Variants in ELF1 observed in about 807,000 individuals in gnomAD.
The protein encoded by ELF1 is ETS-related transcription factor Elf-1.
A neutral mutation model predicts 59.9 loss-of-function variants in ELF1; 24 were observed. That is an observed-to-expected ratio of 0.40 (90% CI 0.29 to 0.56). ELF1 has a LOEUF of 0.56. Among genes scored for constraint, ELF1 ranks in the 20% least tolerant of loss-of-function variants. ELF1 has a pLI of 0.44. For missense variants in ELF1, 627 were observed against 742.2 expected, an observed-to-expected ratio of 0.84 and a Z score of 1.80; for synonymous variants, 248 against 266.2, an observed-to-expected ratio of 0.93 and a Z score of 0.67.
chr13:41,056,871 A>AG (rs1216329934), intron 1 of ELF1, among the ~76,000 whole-genome samples: 6 of 152,208 alleles, frequency 3.9e-5, no homozygotes, highest in Non-Finnish European at 7.3e-5. Context: ...GCAGAGCTAC[A>AG]GGGGGAATAT....
intron 1 of ELF1, among the ~76,000 whole-genome samples, chr13:40,992,238 C>G (rs1349672945): frequency 4.6e-5 from 7 of 152,132 alleles, no homozygotes; most frequent in Admixed American, 4.6e-4. Context: ...AGAAATGTAA[C>G]TTGAAATCAA....
At chr13:41,016,745 T>C (rs897140028) in intron 1 of ELF1, among the ~76,000 whole-genome samples, 4 of 150,678 alleles carry the variant, frequency 2.7e-5, no homozygotes, top group African/African-American at 7.3e-5. Context: ...AGAAACCCTG[T>C]CTCTACTAAA....
intron 1 of ELF1, among the ~76,000 whole-genome samples, chr13:41,039,784 T>C (rs1349754708): frequency 1.3e-5 from 2 of 152,340 alleles, no homozygotes; most frequent in East Asian, 3.9e-4. Flanking sequence ...TGAGTACTCA[T>C]TATAAAATTT....
intron 1 of ELF1, among the ~76,000 whole-genome samples, chr13:41,052,655 G>A (rs915835246): frequency 5.9e-5 from 9 of 152,062 alleles, no homozygotes; most frequent in Non-Finnish European, 1.3e-4. Context: ...TTTAGAGGTT[G>A]CAGTGAGCCA....
rs1334359234 is a variant in ELF1 at position 40,933,605 on chromosome 13, T to C, written c.1680A>G (p.Gln560=). ...GTVITSVIKT[Q]ETKTLTQEVE... ...CTTCCTGTGTAAGAGTTTTTGTTTCTTGAGTTTTGATAACTGAAGTGATTA... is the reference window on the plus strand; with the variant it reads ...CTTCCTGTGTAAGAGTTTTTGTTTCCTGAGTTTTGATAACTGAAGTGATTA... Residue 560 remains glutamine (Q), a synonymous_variant, in exon 9 of 9, where the codon CAA becomes CAG. Transcript: ENST00000239882. The C allele has an allele frequency of 4.3e-6, 7 of 1,614,136 alleles. No homozygotes were observed. The highest frequency in any genetic ancestry group is 5.1e-6 in the Non-Finnish European group (6 of 1,180,048).
At chr13:41,055,183 T>TA (rs1386894147) in intron 1 of ELF1, among the ~76,000 whole-genome samples, 1 of 152,032 alleles carries the variant, frequency 6.6e-6, no homozygotes, top group Non-Finnish European at 1.5e-5. Flanking sequence ...AGGTAAGAGG[T>TA]ATCGTTCTTC....
chr13:41,044,165 A>G (rs928450684), intron 1 of ELF1, among the ~76,000 whole-genome samples: 10 of 152,166 alleles, frequency 6.6e-5, no homozygotes, highest in African/African-American at 9.7e-5. Flanking sequence ...AGACTTTGCT[A>G]AAGTTGCTTA....
chr13:40,933,005 G>A lies in ELF1; in HGVS notation c.*420C>T, dbSNP rs1348034403. On this transcript the variant is annotated 3_prime_UTR_variant, in exon 9 of 9. Transcript: ENST00000239882. ...TAACAAAGCATAAAATAGGTTTTTT[G>A]CATTTGAAAGAGTCAAGACTTAACT... The A allele has an allele frequency of 6.0e-6, 1 of 165,634 alleles. No homozygotes were observed. Among genetic ancestry groups the A allele is most frequent in the African/African-American group, 2.4e-5 (1 of 41,528 alleles). 10.3% of individuals were successfully genotyped at this position (165,634 alleles called of 1,614,324 possible).
At chr13:41,060,812 T>C (rs374232499) in intron 1 of ELF1, 5 of 218,198 alleles carry the variant, frequency 2.3e-5, no homozygotes, top group South Asian at 6.0e-5. Context: ...ATATGGGAAG[T>C]GCTATGAGAA....
chr13:41,034,997 T>A, intron 1 of ELF1, among the ~76,000 whole-genome samples: 1 of 152,224 alleles, frequency 6.6e-6, no homozygotes, highest in Admixed American at 6.5e-5. Flanking sequence ...CTTCTCCACC[T>A]ACTGAATCTC....
intron 3 of ELF1, among the ~76,000 whole-genome samples, chr13:40,954,705 C>T (rs1242017455): frequency 1.3e-5 from 2 of 151,996 alleles, no homozygotes; most frequent in Non-Finnish European, 2.9e-5. Flanking sequence ...CAGCCTCGGC[C>T]TCCCGAGGTG....
intron 1 of ELF1, among the ~76,000 whole-genome samples, chr13:41,042,739 T>C (rs886309230): frequency 3.3e-5 from 5 of 152,238 alleles, no homozygotes; most frequent in African/African-American, 1.2e-4. Context: ...TCCAAGTCTT[T>C]GCTATTGTGA....
At chr13:41,018,531 T>C (rs1875551871) in intron 1 of ELF1, among the ~76,000 whole-genome samples, 1 of 152,218 alleles carries the variant, frequency 6.6e-6, no homozygotes, top group Non-Finnish European at 1.5e-5. Flanking sequence ...ACTTCATTTT[T>C]TTCTAATAGT....
At chr13:41,044,453 T>C (rs900086975) in intron 1 of ELF1, among the ~76,000 whole-genome samples, 1 of 152,170 alleles carries the variant, frequency 6.6e-6, no homozygotes, top group African/African-American at 2.4e-5. Context: ...TCTTACTATT[T>C]TGAGATACGT....
At chr13:40,936,899 G>A (rs1869821754) in intron 8 of ELF1, among the ~76,000 whole-genome samples, 1 of 151,908 alleles carries the variant, frequency 6.6e-6, no homozygotes, top group Non-Finnish European at 1.5e-5. Context: ...GGAGCAGTGT[G>A]AGTGAGATCG....
intron 1 of ELF1, among the ~76,000 whole-genome samples, chr13:41,048,849 A>G (rs1390532111): frequency 6.6e-6 from 1 of 151,916 alleles, no homozygotes; most frequent in Non-Finnish European, 1.5e-5. Context: ...AACTTCCTCA[A>G]AAGATGTGTA....
intron 1 of ELF1, among the ~76,000 whole-genome samples, chr13:41,012,535 C>T (rs1302102184): frequency 5.7e-5 from 8 of 140,064 alleles, no homozygotes; most frequent in Admixed American, 7.1e-5. Context: ...ATTTTTTTTT[C>T]TTTTCTTTTC....
At chr13:41,006,620 T>C (rs1005669488) in intron 1 of ELF1, among the ~76,000 whole-genome samples, 1 of 152,230 alleles carries the variant, frequency 6.6e-6, no homozygotes, top group Non-Finnish European at 1.5e-5. Flanking sequence ...GGTTGTAAAT[T>C]ATCCTATAAC....
intron 1 of ELF1, among the ~76,000 whole-genome samples, chr13:41,049,370 TAC>T (rs374595209): frequency 6.6e-6 from 1 of 152,188 alleles, no homozygotes; most frequent in African/African-American, 2.4e-5. Flanking sequence ...ACAGGTAGTT[TAC>T]AGTTAAAGAC....
Sources: gnomAD v4.1 joint callset for allele counts (sites outside exome capture counted in the v4.1 genomes callset) on GRCh38, gnomAD v4.1.1 for gene constraint, MANE v1.5 for transcripts, NCBI Gene and HGNC (gene_info 2026-07-23, HGNC 2026-07-21) for gene names.